PDLIM3: variants seen among roughly 807,000 people sequenced by gnomAD.
The protein encoded by PDLIM3 is PDZ and LIM domain 3, also known as PDZ and LIM domain protein 3.
Under a neutral mutation model 37.3 loss-of-function variants are expected in PDLIM3, and 36 were observed. The observed-to-expected ratio is 0.97, with a 90% CI of 0.74 to 1.28. PDLIM3 has a LOEUF of 1.28. Among genes scored for constraint, PDLIM3 ranks in the 50% most tolerant of loss-of-function variants. The probability of loss-of-function intolerance (pLI) is 0.00; values close to 1 mark genes in which losing one functional copy is unlikely to be tolerated. For synonymous variants in PDLIM3, 174 were observed against 182.4 expected (o/e 0.95, Z 0.37); for missense variants, 454 against 485.0 (o/e 0.94, Z 0.60).
intron 3 of PDLIM3, chr4:185,516,760 G>A (rs1387303784): frequency 6.6e-6 from 1 of 152,060 alleles, no homozygotes; most frequent in Non-Finnish European, 1.5e-5. Context: ...AAATCTCAGG[G>A]GATCTGAGAA....
intron 3 of PDLIM3, among the ~76,000 whole-genome samples, chr4:185,520,477 A>G (rs2095722277): frequency 1.4e-5 from 1 of 69,066 alleles, no homozygotes; most frequent in African/African-American, 2.7e-5. Flanking sequence ...CATTTGTAGT[A>G]TTGTAAATAT....
intron 1 of PDLIM3, among the ~76,000 whole-genome samples, chr4:185,529,075 T>G (rs990946454): frequency 3.3e-5 from 5 of 152,158 alleles, no homozygotes; most frequent in African/African-American, 1.2e-4. Context: ...GTCTCAAATA[T>G]CAAAAGTACC....
Position 185,502,464 on chromosome 4 carries a change from G to C in PDLIM3, c.925C>G (p.Arg309Gly). ...SGIVGAVVKA[R>G]DKYRHPECFV... Reference sequence around the variant, plus strand: ...CACTCAGGGTGCCGGTACTTATCCCGCGCCTTCACCACAGCACCGCTGTTG... The same window carrying C: ...CACTCAGGGTGCCGGTACTTATCCCCCGCCTTCACCACAGCACCGCTGTTG... The change falls in exon 8 of 8, where the codon CGG becomes GGG. Residue 309 changes from arginine to glycine, a missense_variant. Physicochemically the swap from Arg to Gly is moderately radical, Grantham distance 125. Coordinates refer to ENST00000284767, the MANE Select transcript of PDLIM3 (RefSeq NM_014476.6). 6.2e-7 allele frequency: 1 copy of C among 1,614,122 alleles called. No homozygotes were observed. Among genetic ancestry groups the C allele is most frequent in the Non-Finnish European group, 8.5e-7 (1 of 1,180,018 alleles).
In PDLIM3 at chr4:185,530,895, A is replaced by T. The variant is rs115976582; in HGVS notation, c.93+4447T>A. 5.8e-3 allele frequency among the ~76,000 whole-genome samples: 882 copies of T among 151,904 alleles called. 15 individuals are homozygous for T. Among genetic ancestry groups the T allele is most frequent in the African/African-American group, 0.02 (819 of 41,420 alleles). On this transcript the variant is annotated intron_variant, in intron 1 of 7. Transcript: ENST00000284767. Reference sequence around the variant, plus strand: ...TCAAGCAACCCTTATTTCACTTAATAATGGCCCCAAAGTGCAAGAGCGCTG... The same window carrying T: ...TCAAGCAACCCTTATTTCACTTAATTATGGCCCCAAAGTGCAAGAGCGCTG...
intron 4 of PDLIM3, among the ~76,000 whole-genome samples, chr4:185,511,808 C>G (rs1247141978): frequency 6.6e-6 from 1 of 152,106 alleles, no homozygotes; most frequent in Non-Finnish European, 1.5e-5. Context: ...AGTTACTGCT[C>G]GAGGTGATGG....
chr4:185,511,781 T>A (rs953360330), intron 4 of PDLIM3, among the ~76,000 whole-genome samples: 2 of 152,206 alleles, frequency 1.3e-5, no homozygotes, highest in Non-Finnish European at 2.9e-5. Flanking sequence ...ATGTGGAATG[T>A]TCCAAAGCAC....
rs542136384 is a variant in PDLIM3 at position 185,506,195 on chromosome 4, TG to T, written c.793+326del. On this transcript the variant is annotated intron_variant, in intron 6 of 7. Transcript: ENST00000284767. The stretch of plus-strand genomic sequence containing the variant: ...TTGATGATGGTGATACTCCAGAGTG[TG>T]GGGGGGAGGCTGAGAAGTTTGACAA... Among the ~76,000 whole-genome samples the T allele has an allele frequency of 2.1e-3, 323 of 152,226 alleles. 3 individuals carry two copies. Among genetic ancestry groups the T allele is most frequent in the African/African-American group, 7.3e-3 (303 of 41,560 alleles).
rs201036304 is a variant in PDLIM3 at position 185,504,303 on chromosome 4, A to G, written c.905+172T>C. On this transcript the variant is annotated intron_variant, in intron 7 of 7. Transcript: ENST00000284767. This position sits in a 1 kb window ranked among gnomAD's most constrained non-coding sequence, Gnocchi z 4.7. ...TCATGTGATGTGACAATTTGGAGGT[A>G]TATCTAAGGAGTGACAGTCACAATG... 1.4e-3 allele frequency among the ~76,000 whole-genome samples: 209 copies of G among 152,244 alleles called. No individual in the cohort carries two copies. The highest frequency in any genetic ancestry group is 3.4e-3 in the Middle Eastern group (1 of 294).
chr4:185,514,979 A>G lies in PDLIM3; in HGVS notation c.331-642T>C, dbSNP rs2095712726. 1.3e-5 allele frequency: 13 copies of G among 1,025,604 alleles called. No homozygotes were observed. Among genetic ancestry groups the G allele is most frequent in the Non-Finnish European group, 1.8e-5 (13 of 720,216 alleles). 63.5% of individuals were successfully genotyped at this position (1,025,604 alleles called of 1,614,324 possible). On this transcript the variant is annotated intron_variant, in intron 3 of 7. Transcript: ENST00000284767. This position sits in a 1 kb window ranked among gnomAD's most constrained non-coding sequence, Gnocchi z 4.0. ...CCAACAGCATCACTACTGTTAATAAAGGCATCTTTACCCACGACGAGATTG... is the reference window on the plus strand; with the variant it reads ...CCAACAGCATCACTACTGTTAATAAGGGCATCTTTACCCACGACGAGATTG...
chr4:185,502,231 G>T lies in PDLIM3; in HGVS notation c.*63C>A. 6.6e-7 allele frequency: 1 copy of T among 1,507,706 alleles called. No homozygotes were observed. The highest frequency in any genetic ancestry group is 9.2e-7 in the Non-Finnish European group (1 of 1,083,508). 93.4% of individuals were successfully genotyped at this position (1,507,706 alleles called of 1,614,324 possible). A position where few individuals can be genotyped will look rare whatever the true frequency, so the allele number is the denominator to read the frequency against. ...GCACAATCCTTCTGCCCAAAGCCAT[G>T]AATGTCTTCTCGTGTAAGTGCGCGT... On this transcript the variant is annotated 3_prime_UTR_variant, in exon 8 of 8. Coordinates refer to ENST00000284767, the MANE Select transcript of PDLIM3 (RefSeq NM_014476.6).
chr4:185,517,369 T>A (rs2095716537), intron 3 of PDLIM3: 1 of 148,620 alleles, frequency 6.7e-6, no homozygotes, highest in South Asian at 2.1e-4. Flanking sequence ...TTTTTTTTTT[T>A]TTTTTTTAAA....
rs183584047 is a variant in PDLIM3, at chr4:185,514,161, G to A, written c.398+109C>T. ...TCTTTTTGCTTTTGAAATAAGCTTC[G>A]CAATGAGAAAAGCCACTCCAAACAT... On this transcript the variant is annotated intron_variant, in intron 4 of 7. Coordinates refer to ENST00000284767, the MANE Select transcript of PDLIM3 (RefSeq NM_014476.6). The surrounding 1 kb of genome is among the most constrained non-coding windows in gnomAD (Gnocchi z 4.0). 277 of 1,599,776 alleles carry A rather than the reference G, an allele frequency of 1.7e-4. No homozygotes were observed. The Admixed American group carries it at 1.9e-3, about 11-fold the overall frequency.
chr4:185,511,087 T>C (rs1460838802), intron 4 of PDLIM3, among the ~76,000 whole-genome samples: 3 of 152,214 alleles, frequency 2.0e-5, no homozygotes, highest in African/African-American at 7.2e-5. Flanking sequence ...ATTTGACAGA[T>C]TGCTAATTTC....
Position 185,501,337 on chromosome 4 carries a change from GACC to G in PDLIM3, c.*954_*956del, listed in dbSNP as rs2095686809. The G allele has an allele frequency of 6.6e-6, 1 of 152,290 alleles. No individual in the cohort carries two copies. Among genetic ancestry groups the G allele is most frequent in the Admixed American group, 6.5e-5 (1 of 15,272 alleles). The allele number at this position is 152,290 out of a possible 1,614,324, so 9.4% of individuals were successfully genotyped here. A position where few individuals can be genotyped will look rare whatever the true frequency, so the allele number is the denominator to read the frequency against. On this transcript the variant is annotated 3_prime_UTR_variant, in exon 8 of 8. Transcript: ENST00000284767. ...AGTGGATACAAGCAGGACCCCAGGAGACCAGCAGCCCCTGCCTTCCTTAGGAAG... is the reference window on the plus strand; with the variant it reads ...AGTGGATACAAGCAGGACCCCAGGAGAGCAGCCCCTGCCTTCCTTAGGAAG...
chr4:185,513,514 AT>A lies in PDLIM3; in HGVS notation c.398+755del, dbSNP rs1299099482. Reference sequence around the variant, plus strand: ...AAATGTTCTGTCTAAAGGCACTTAAATTCTTTTTTTTTTTTTAAACAAAAGA... The same window carrying A: ...AAATGTTCTGTCTAAAGGCACTTAAATCTTTTTTTTTTTTTAAACAAAAGA... On this transcript the variant is annotated intron_variant, in intron 4 of 7. Transcript: ENST00000284767. 4 of 915,412 alleles carry A rather than the reference AT, an allele frequency of 4.4e-6. No homozygotes were observed. The African/African-American group carries it at 8.6e-5, about 20-fold the overall frequency. 56.7% of individuals were successfully genotyped at this position (915,412 alleles called of 1,614,324 possible).
At chr4:185,515,017 G>A (rs780360093) in intron 3 of PDLIM3, 1 of 707,412 alleles carries the variant, frequency 1.4e-6, no homozygotes, top group African/African-American at 1.8e-5. Context: ...GGAAAGATTA[G>A]AGGAGGAGTT....
At position 185,514,781 on chromosome 4, in the gene PDLIM3, A is replaced by G. The variant is rs756774167; in HGVS notation, c.331-444T>C. 6 of 1,551,962 alleles carry G rather than the reference A, an allele frequency of 3.9e-6. No homozygotes were observed. Among genetic ancestry groups the G allele is most frequent in the South Asian group, 1.2e-5 (1 of 84,052 alleles). On this transcript the variant is annotated intron_variant, in intron 3 of 7. Coordinates refer to ENST00000284767, the MANE Select transcript of PDLIM3 (RefSeq NM_014476.6). This position sits in a 1 kb window ranked among gnomAD's most constrained non-coding sequence, Gnocchi z 4.0. ...TATATTGCTAGTTGAATAGAGCCCA[A>G]TTGGCGAGTTATAGGAAGCGCTCAC...
rs2095687696 is a variant in PDLIM3 at position 185,501,964 on chromosome 4, G to A, written c.*330C>T. The A allele has an allele frequency of 2.7e-6, 1 of 371,642 alleles. No individual in the cohort carries two copies. The highest frequency in any genetic ancestry group is 2.1e-5 in the African/African-American group (1 of 48,424). The allele number at this position is 371,642 out of a possible 1,614,324, so 23.0% of individuals were successfully genotyped here. On this transcript the variant is annotated 3_prime_UTR_variant, in exon 8 of 8. Coordinates refer to ENST00000284767, the MANE Select transcript of PDLIM3 (RefSeq NM_014476.6). Reference sequence around the variant, plus strand: ...AACTTGTCAAGGAAAGACAATTAGAGTCCTTCAAATATCTTGATGTTTATG... The same window carrying A: ...AACTTGTCAAGGAAAGACAATTAGAATCCTTCAAATATCTTGATGTTTATG...
In PDLIM3 at chr4:185,514,848, G is replaced by A. The variant is rs775959426; in HGVS notation, c.331-511C>T. 25 of 1,551,522 alleles carry A rather than the reference G, an allele frequency of 1.6e-5. No homozygotes were observed. The highest frequency in any genetic ancestry group is 2.1e-5 in the Non-Finnish European group (24 of 1,146,998). ...TCAATGTTTGCAGCTGCAACAAAAG[G>A]CTGGGCCCTTCTGTTGTGCGCGGTA... On this transcript the variant is annotated intron_variant, in intron 3 of 7. Coordinates refer to ENST00000284767, the MANE Select transcript of PDLIM3 (RefSeq NM_014476.6). The surrounding 1 kb of genome is among the most constrained non-coding windows in gnomAD (Gnocchi z 4.0).
Sources: allele counts gnomAD v4.1 joint callset (sites outside exome capture counted in the v4.1 genomes callset), GRCh38; gene constraint gnomAD v4.1.1; non-coding constraint Gnocchi (gnomAD v3.1); transcripts MANE v1.5; gene names NCBI Gene and HGNC (gene_info 2026-07-23, HGNC 2026-07-21).